Variants in PAX5 observed in about 807,000 individuals in gnomAD.
The protein encoded by PAX5 is paired box protein Pax-5.
In PAX5, 9 loss-of-function variants were observed where a neutral mutation model predicts 43.7. That is an observed-to-expected ratio of 0.21 (90% CI 0.12 to 0.36). The LOEUF is 0.36. PAX5 is among the 10% of genes least tolerant of loss of function. PAX5 has a pLI of 1.00. For synonymous variants in PAX5, 228 were observed against 214.3 expected (o/e 1.06, Z -0.56); for missense variants, 383 against 532.7 (o/e 0.72, Z 2.77).
At chr9:37,010,986 G>A (rs981187474) in intron 3 of PAX5, among the ~76,000 whole-genome samples, 5 of 152,086 alleles carry the variant, frequency 3.3e-5, no homozygotes, top group African/African-American at 9.7e-5. Context: ...GCCAGGCATG[G>A]TGGTGGCACC....
At chr9:36,907,797 G>A (rs532551767) in intron 7 of PAX5, among the ~76,000 whole-genome samples, 1 of 152,284 alleles carries the variant, frequency 6.6e-6, no homozygotes, top group African/African-American at 2.4e-5. Flanking sequence ...GGTTCTGGAA[G>A]AACACATACC....
At chr9:36,926,118 G>A (rs535957276) in intron 6 of PAX5, among the ~76,000 whole-genome samples, 70 of 152,222 alleles carry the variant, frequency 4.6e-4, no homozygotes, top group African/African-American at 1.5e-3. Flanking sequence ...TTATGATAGC[G>A]CAGGAATGAC....
intron 5 of PAX5, among the ~76,000 whole-genome samples, chr9:37,000,185 C>T (rs1485849511): frequency 6.6e-6 from 1 of 152,154 alleles, no homozygotes; most frequent in Non-Finnish European, 1.5e-5. Context: ...CAGAAGGGGG[C>T]ACTTATGCAA....
Position 36,983,007 on chromosome 9 carries a change from T to A in PAX5, c.605-16283A>T, listed in dbSNP as rs555117240. On this transcript the variant is annotated intron_variant, in intron 5 of 9. Transcript: ENST00000358127. ...GGCATTTAATGGATGGGGCCAGGGA[T>A]GCTACCCAGCACAGTTCAGCACGGT... is the stretch of plus-strand genomic sequence containing the variant. Among the ~76,000 whole-genome samples, 3 of 152,300 alleles carry A rather than the reference T, an allele frequency of 2.0e-5. No homozygotes were observed. The South Asian group carries it at 6.2e-4, about 32-fold the overall frequency.
chr9:37,013,555 AG>A (rs1476751270), intron 3 of PAX5, among the ~76,000 whole-genome samples: 1 of 152,286 alleles, frequency 6.6e-6, no homozygotes, highest in East Asian at 1.9e-4. Context: ...GCCAGAAGTA[AG>A]GGGCTCATAA....
At chr9:36,895,141 G>C (rs1827738108) in intron 7 of PAX5, among the ~76,000 whole-genome samples, 1 of 152,316 alleles carries the variant, frequency 6.6e-6, no homozygotes, top group Non-Finnish European at 1.5e-5. Flanking sequence ...GCCAGCTCCG[G>C]GGTCCGAATA....
intron 5 of PAX5, among the ~76,000 whole-genome samples, chr9:37,001,076 C>T (rs950446464): frequency 4.8e-4 from 73 of 152,176 alleles, no homozygotes; most frequent in African/African-American, 1.6e-3. Context: ...CTGAGTAGTA[C>T]GGAGTAGTCA....
Position 36,973,698 on chromosome 9 carries a change from T to A in PAX5, c.605-6974A>T, listed in dbSNP as rs141212595. ...CCTTGGCAACATGGCGAGACCCCCA[T>A]CTCTACAAAAAAAAAATTTAAAAAT... On this transcript the variant is annotated intron_variant, in intron 5 of 9. Coordinates refer to ENST00000358127, the MANE Select transcript of PAX5 (RefSeq NM_016734.3). Among the ~76,000 whole-genome samples the A allele has an allele frequency of 3.3e-3, 500 of 151,316 alleles. 4 individuals are homozygous for A. The highest frequency in any genetic ancestry group is 0.012 in the African/African-American group (477 of 41,196).
At chr9:36,881,945 T>TC (rs1357962860) in intron 8 of PAX5, 59 bp downstream of exon 8, 34 of 1,244,084 alleles carry the variant, frequency 2.7e-5, no homozygotes, top group Non-Finnish European at 3.7e-5. Flanking sequence ...GGGGGGGATG[T>TC]CCCCCCACCG....
intron 6 of PAX5, among the ~76,000 whole-genome samples, chr9:36,928,906 T>G (rs1321825969): frequency 1.3e-5 from 2 of 152,158 alleles, no homozygotes; most frequent in Non-Finnish European, 2.9e-5. Context: ...TCAACACCAG[T>G]AAAGTGTTTC....
chr9:36,964,665 G>T (rs1834268765), intron 6 of PAX5, among the ~76,000 whole-genome samples: 1 of 151,800 alleles, frequency 6.6e-6, no homozygotes, highest in Admixed American at 6.5e-5. Flanking sequence ...CATCCAGGAA[G>T]GTTTCCTGAT....
At chr9:36,841,401 T>A (rs1381305953) in intron 9 of PAX5, among the ~76,000 whole-genome samples, 1 of 152,256 alleles carries the variant, frequency 6.6e-6, no homozygotes, top group Non-Finnish European at 1.5e-5. Flanking sequence ...CTGGAACTCT[T>A]GGCCTGCACC....
intron 8 of PAX5, among the ~76,000 whole-genome samples, chr9:36,874,537 G>A (rs368254294): frequency 2.6e-5 from 4 of 152,108 alleles, no homozygotes; most frequent in Admixed American, 2.6e-4. Context: ...CTGCCCTACC[G>A]CAAAGCCCCC....
At chr9:37,006,608 C>T in intron 3 of PAX5, 71 bp from the exon 4 acceptor site, 2 of 1,230,762 alleles carry the variant, frequency 1.6e-6, no homozygotes, top group Admixed American at 1.7e-5. Context: ...CAGCTATGCA[C>T]AGACAACCAG....
intron 1 of PAX5, among the ~76,000 whole-genome samples, chr9:37,030,420 C>G (rs79746042): frequency 0.014 from 2,074 of 152,310 alleles, 28 homozygotes; most frequent in East Asian, 0.079. Context: ...GGCTACTGCG[C>G]CTCAGTCCTG....
chr9:36,937,633 A>G (rs1831672357), intron 6 of PAX5, among the ~76,000 whole-genome samples: 1 of 152,240 alleles, frequency 6.6e-6, no homozygotes, highest in Admixed American at 6.5e-5. Flanking sequence ...CACCTTTGAC[A>G]TGGCCATGCT....
intron 1 of PAX5, among the ~76,000 whole-genome samples, chr9:37,032,536 A>G (rs1194293583): frequency 1.3e-5 from 2 of 152,130 alleles, no homozygotes; most frequent in African/African-American, 4.8e-5. Flanking sequence ...CTCTGCCCTC[A>G]CTTCTCTCCA....
Position 36,839,277 on chromosome 9 carries a change from G to C in PAX5, c.*1283C>G. 1 of 233,532 alleles carries C rather than the reference G, an allele frequency of 4.3e-6. No individual in the cohort carries two copies. 14.5% of individuals were successfully genotyped at this position (233,532 alleles called of 1,614,324 possible). A position where few individuals can be genotyped will look rare whatever the true frequency, so the allele number is the denominator to read the frequency against. Reference sequence around the variant, plus strand: ...TGAGTTCTCCAAGCTCCCTCTCCAAGTTCCCGTGGCCCTTGGCCGTGGCCC... The same window carrying C: ...TGAGTTCTCCAAGCTCCCTCTCCAACTTCCCGTGGCCCTTGGCCGTGGCCC... On this transcript the variant is annotated 3_prime_UTR_variant, in exon 10 of 10. Transcript: ENST00000358127.
At chr9:36,895,894 A>G (rs553645378) in intron 7 of PAX5, among the ~76,000 whole-genome samples, 10 of 152,268 alleles carry the variant, frequency 6.6e-5, no homozygotes, top group African/African-American at 2.2e-4. Flanking sequence ...TGGATCTTTG[A>G]AGCTAAGGGG....
Sources: gnomAD v4.1 joint callset for allele counts (sites outside exome capture counted in the v4.1 genomes callset) on GRCh38, gnomAD v4.1.1 for gene constraint, MANE v1.5 for transcripts, NCBI Gene and HGNC (gene_info 2026-07-23, HGNC 2026-07-21) for gene names.